The following GALNT11 variants were observed in gnomAD, a reference collection of about 807,000 sequenced individuals.
GALNT11 encodes the protein UDP-GalNAc:polypeptide N-acetylgalactosaminyltransferase 11.
Under a neutral mutation model 72.7 loss-of-function variants are expected in GALNT11, and 47 were observed. The ratio of observed to expected loss-of-function variants is 0.65; its 90% CI spans 0.51 to 0.82. The LOEUF is 0.82. GALNT11 is among the 40% of genes least tolerant of loss of function. The pLI, the probability that GALNT11 is intolerant of heterozygous loss-of-function variation, is 0.00. For synonymous variants in GALNT11, 270 were observed against 286.6 expected, an observed-to-expected ratio of 0.94 and a Z score of 0.58; for missense variants, 677 against 778.4, an observed-to-expected ratio of 0.87 and a Z score of 1.55.
intron 1 of GALNT11, among the ~76,000 whole-genome samples, chr7:152,039,713 G>A (rs2082760189): frequency 6.6e-6 from 1 of 152,166 alleles, no homozygotes; most frequent in South Asian, 2.1e-4. Flanking sequence ...CTTATGATAA[G>A]GTTTCAGGTG....
intron 1 of GALNT11, among the ~76,000 whole-genome samples, chr7:152,072,754 T>A (rs1334041991): frequency 2.0e-5 from 3 of 152,254 alleles, no homozygotes; most frequent in Non-Finnish European, 4.4e-5. Context: ...TAGTTTAGAT[T>A]GTGAGGTCTG....
chr7:152,078,219 GTGTT>G (rs1386222571), intron 1 of GALNT11, among the ~76,000 whole-genome samples: 3 of 152,094 alleles, frequency 2.0e-5, no homozygotes, highest in Non-Finnish European at 4.4e-5. Context: ...ATTTGTTTTT[GTGTT>G]TGTTTTTTTT....
intron 10 of GALNT11, chr7:152,120,518 A>T (rs926318954): frequency 3.7e-6 from 1 of 269,678 alleles, no homozygotes. Flanking sequence ...CTCCTCTGTC[A>T]CCTACACAGT....
chr7:152,095,188 C>A (rs1295056434), intron 2 of GALNT11, among the ~76,000 whole-genome samples: 3 of 149,616 alleles, frequency 2.0e-5, no homozygotes, highest in Non-Finnish European at 4.4e-5. Context: ...TAAAATAGCC[C>A]TTTTTTCCTC....
chr7:152,037,632 C>T (rs1304724493), intron 1 of GALNT11, among the ~76,000 whole-genome samples: 1 of 151,346 alleles, frequency 6.6e-6, no homozygotes, highest in Non-Finnish European at 1.5e-5. Flanking sequence ...TGAAGAATGT[C>T]TTTGGTTCAT....
intron 11 of GALNT11, 29 bp from the exon 12 acceptor site, chr7:152,121,517 G>A (rs2089435025): frequency 1.3e-6 from 2 of 1,599,372 alleles, no homozygotes; most frequent in Admixed American, 1.7e-5. Context: ...GTAATTGGCA[G>A]TATTTTTTTG....
intron 1 of GALNT11, among the ~76,000 whole-genome samples, chr7:152,039,338 T>C (rs1201081811): frequency 2.0e-5 from 3 of 152,202 alleles, no homozygotes; most frequent in Non-Finnish European, 4.4e-5. Context: ...TAGGAGCAGA[T>C]TCATTATGGT....
intron 1 of GALNT11, among the ~76,000 whole-genome samples, chr7:152,059,455 A>G (rs1353661148): frequency 2.6e-5 from 4 of 152,130 alleles, no homozygotes; most frequent in Non-Finnish European, 4.4e-5. Flanking sequence ...AAAGTTTTCA[A>G]TTTATTTTGC....
At chr7:152,118,486 A>T (rs1427523739) in intron 9 of GALNT11, 192 bp from the exon 10 acceptor site, 5 of 520,340 alleles carry the variant, frequency 9.6e-6, no homozygotes, top group Non-Finnish European at 1.7e-5. Flanking sequence ...TTTTGGAGTT[A>T]TAACTTTTGT....
intron 1 of GALNT11, among the ~76,000 whole-genome samples, chr7:152,032,389 T>C (rs1489594222): frequency 6.6e-6 from 1 of 152,150 alleles, no homozygotes; most frequent in Non-Finnish European, 1.5e-5. Flanking sequence ...CAGGGAACCA[T>C]TCTGCTTCCT....
At chr7:152,118,051 G>A (rs1563084476) in intron 9 of GALNT11, 1 of 152,748 alleles carries the variant, frequency 6.5e-6, no homozygotes, top group Admixed American at 6.5e-5. Flanking sequence ...TCCCAGAGCA[G>A]TGTCAACTCT....
chr7:152,110,649 A>G lies in GALNT11; in HGVS notation c.1080+4A>G. ...AAATTTGGAAATATCATTTCGGGTA[A>G]TTTAATTTTTGCATGCTCAATTAAT... is the stretch of plus-strand genomic sequence containing the variant. On this transcript the variant is annotated splice_donor_region_variant and intron_variant, in intron 7 of 11. Coordinates refer to ENST00000430044, the MANE Select transcript of GALNT11 (RefSeq NM_022087.4). 6.3e-7 allele frequency: 1 copy of G among 1,578,154 alleles called. No individual in the cohort carries two copies.
intron 1 of GALNT11, among the ~76,000 whole-genome samples, chr7:152,029,560 T>G (rs2151977933): frequency 6.6e-6 from 1 of 152,364 alleles, no homozygotes; most frequent in East Asian, 1.9e-4. Context: ...TTCTTTGCTA[T>G]TAATAAGACC....
At chr7:152,090,806 C>A (rs1248004253) in intron 1 of GALNT11, among the ~76,000 whole-genome samples, 1 of 152,170 alleles carries the variant, frequency 6.6e-6, no homozygotes, top group East Asian at 1.9e-4. Context: ...GCTCTTCCTG[C>A]TTTATTTTCT....
intron 1 of GALNT11, among the ~76,000 whole-genome samples, chr7:152,046,356 T>C (rs894624705): frequency 2.6e-5 from 4 of 152,178 alleles, no homozygotes; most frequent in African/African-American, 7.2e-5. Flanking sequence ...TATATCTTTG[T>C]TGATTTTTTG....
At chr7:152,067,930 A>G (rs972098683) in intron 1 of GALNT11, among the ~76,000 whole-genome samples, 2 of 152,098 alleles carry the variant, frequency 1.3e-5, no homozygotes, top group Non-Finnish European at 2.9e-5. Context: ...GACACGTCAC[A>G]TGGTGAAAGC....
rs117406347 is a variant in GALNT11 at position 152,059,943 on chromosome 7, A to G, written c.-39+34059A>G. ...AAGCCGGACATTGATATCTCTAGCT[A>G]TGAAAGGTTCTAAATGGCATCTCCT... On this transcript the variant is annotated intron_variant, in intron 1 of 11. Coordinates refer to ENST00000430044, the MANE Select transcript of GALNT11 (RefSeq NM_022087.4). Among the ~76,000 whole-genome samples the G allele has an allele frequency of 4.3e-3, 649 of 152,294 alleles. 19 individuals are homozygous for G. In the East Asian group the frequency reaches 0.052, roughly 12 times the overall value.
chr7:152,070,492 T>G (rs1235750065), intron 1 of GALNT11, among the ~76,000 whole-genome samples: 3 of 151,964 alleles, frequency 2.0e-5, no homozygotes, highest in African/African-American at 4.8e-5. Flanking sequence ...GAGCATCTGT[T>G]TCCTTGCCCT....
chr7:152,096,591 T>C (rs2086394095), intron 2 of GALNT11, among the ~76,000 whole-genome samples: 1 of 151,862 alleles, frequency 6.6e-6, no homozygotes, highest in Non-Finnish European at 1.5e-5. Context: ...GGCAGGTGCC[T>C]GTAATCCCAG....
Sources: allele counts gnomAD v4.1 joint callset (sites outside exome capture counted in the v4.1 genomes callset), GRCh38; gene constraint gnomAD v4.1.1; transcripts MANE v1.5; gene names NCBI Gene and HGNC (gene_info 2026-07-23, HGNC 2026-07-21).